PPP1R12B: variants seen among roughly 807,000 people sequenced by gnomAD.
PPP1R12B encodes protein phosphatase 1 regulatory subunit 12B.
PPP1R12B carries 76 observed loss-of-function variants against 126.1 expected under a neutral mutation model. That is an observed-to-expected ratio of 0.60 (90% CI 0.50 to 0.73). PPP1R12B has a LOEUF of 0.73. PPP1R12B is among the 30% of genes least tolerant of loss of function. PPP1R12B has a pLI of 0.00. For synonymous variants in PPP1R12B, 356 were observed against 434.7 expected, an observed-to-expected ratio of 0.82 and a Z score of 2.25; for missense variants, 1,052 against 1,205.1, an observed-to-expected ratio of 0.87 and a Z score of 1.88.
chr1:202,534,951 T>C (rs1684379667), intron 18 of PPP1R12B, among the ~76,000 whole-genome samples: 1 of 152,232 alleles, frequency 6.6e-6, no homozygotes, highest in Admixed American at 6.5e-5. Flanking sequence ...ATATATTTTA[T>C]AAATGCACAT....
chr1:202,541,718 G>T (rs1685147922), intron 18 of PPP1R12B, among the ~76,000 whole-genome samples: 1 of 152,084 alleles, frequency 6.6e-6, no homozygotes, highest in African/African-American at 2.4e-5. Context: ...AACCTGTTTG[G>T]TGACCTTCCC....
intron 18 of PPP1R12B, among the ~76,000 whole-genome samples, chr1:202,550,822 A>ATTCATAATTT (rs1258585993): frequency 5.3e-5 from 8 of 152,224 alleles, no homozygotes; most frequent in Admixed American, 1.3e-4. Flanking sequence ...GAATCACAAG[A>ATTCATAATTT]GTTTATGAAT....
chr1:202,575,286 G>A, intron 23 of PPP1R12B: 1 of 1,203,910 alleles, frequency 8.3e-7, no homozygotes, highest in South Asian at 1.7e-5. Context: ...GCAGATGGAA[G>A]CAGCCAGGAC....
In PPP1R12B at chr1:202,354,654, C is replaced by CT. The variant is rs565106722; in HGVS notation, c.291+5524dup. On this transcript the variant is annotated intron_variant, in intron 1 of 23. Coordinates refer to ENST00000608999, the MANE Select transcript of PPP1R12B (RefSeq NM_002481.4). ...TGCCATTAATTACATGTGTCCCATT[C>CT]TTTTTTTTTTTTGAGACAGAGTCTC... Among the ~76,000 whole-genome samples, 208 of 143,256 alleles carry CT rather than the reference C, an allele frequency of 1.5e-3. 1 individual carries two copies. The highest frequency in any genetic ancestry group is 6.4e-3 in the South Asian group (28 of 4,386). 94.0% of individuals were successfully genotyped at this position (143,256 alleles called of 152,430 possible). A position where few individuals can be genotyped will look rare whatever the true frequency, so the allele number is the denominator to read the frequency against.
chr1:202,378,247 C>CTTTTTTTTTTTTT (rs386369339), intron 1 of PPP1R12B, among the ~76,000 whole-genome samples: 1 of 93,384 alleles, frequency 1.1e-5, no homozygotes, highest in Non-Finnish European at 2.0e-5. Context: ...TGTCTTCATT[C>CTTTTTTTTTTTTT]TTTTTTTTTT....
At chr1:202,521,868 AAC>A (rs1382473428) in intron 18 of PPP1R12B, among the ~76,000 whole-genome samples, 1 of 152,270 alleles carries the variant, frequency 6.6e-6, no homozygotes, top group Non-Finnish European at 1.5e-5. Context: ...TGCCATATGT[AAC>A]ACAGGATAGA....
At chr1:202,481,584 CTTTTT>C (rs1309097979) in intron 13 of PPP1R12B, among the ~76,000 whole-genome samples, 1 of 151,682 alleles carries the variant, frequency 6.6e-6, no homozygotes, top group Non-Finnish European at 1.5e-5. Context: ...CTATTATTTT[CTTTTT>C]ATTTTAAAAT....
chr1:202,519,266 TTTTTTC>T (rs1558325581), intron 18 of PPP1R12B, among the ~76,000 whole-genome samples: 1 of 152,088 alleles, frequency 6.6e-6, no homozygotes, highest in Non-Finnish European at 1.5e-5. Flanking sequence ...AAAAATTTTT[TTTTTTC>T]TTTTTCTTTT....
intron 1 of PPP1R12B, among the ~76,000 whole-genome samples, chr1:202,379,531 C>T (rs1297003705): frequency 6.6e-6 from 1 of 152,230 alleles, no homozygotes; most frequent in African/African-American, 2.4e-5. Flanking sequence ...ACTCTGTCTT[C>T]TTGTCTCCAT....
intron 17 of PPP1R12B, among the ~76,000 whole-genome samples, chr1:202,496,566 T>C (rs1679576818): frequency 6.6e-6 from 1 of 152,232 alleles, no homozygotes; most frequent in African/African-American, 2.4e-5. Context: ...TTTCCAACTG[T>C]GGTTGATTTG....
rs187198447 is a variant in PPP1R12B, at chr1:202,381,659, C to T, written c.291+32517C>T. 2.8e-3 allele frequency among the ~76,000 whole-genome samples: 426 copies of T among 152,282 alleles called. 1 individual carries two copies. The highest frequency in any genetic ancestry group is 6.2e-3 in the Admixed American group (95 of 15,304). On this transcript the variant is annotated intron_variant, in intron 1 of 23. Transcript: ENST00000608999. ...TGTCCAAGAAGGAAAGTCAGTATTG[C>T]ATTTTCCATGGCTTCTGGGAATGGC...
intron 1 of PPP1R12B, among the ~76,000 whole-genome samples, chr1:202,352,286 T>C (rs1656168755): frequency 6.6e-6 from 1 of 152,242 alleles, no homozygotes; most frequent in Admixed American, 6.5e-5. Context: ...AGTTTGACTG[T>C]TAGCACCTAT....
rs199816573 is a variant in PPP1R12B, at chr1:202,428,876, G to A, written c.868G>A (p.Ala290Thr). ...NKLGQTPFDVADEGLVEHLEL... is the reference protein window; with the variant it reads ...NKLGQTPFDVTDEGLVEHLEL... ...CCAGGGCCAGACACCATTTGATGTG[G>A]CTGATGAGGGTCTCGTGGAGCATTT... The change falls in exon 6 of 24, where the codon GCT becomes ACT. Residue 290 changes from alanine to threonine, a missense_variant. Coordinates refer to ENST00000608999, the MANE Select transcript of PPP1R12B (RefSeq NM_002481.4). 48 of 1,606,650 alleles carry A rather than the reference G, an allele frequency of 3.0e-5. No individual in the cohort carries two copies. Among genetic ancestry groups the A allele is most frequent in the Non-Finnish European group, 3.8e-5 (45 of 1,177,078 alleles).
In PPP1R12B at chr1:202,588,307, C is replaced by T. The variant is rs555226262; in HGVS notation, c.*7747C>T. On this transcript the variant is annotated 3_prime_UTR_variant, in exon 24 of 24. Coordinates refer to ENST00000608999, the MANE Select transcript of PPP1R12B (RefSeq NM_002481.4). ...AGTTGTATGGATTAACTTCAGTCCA[C>T]TGTAAATACACCTGGGATGGGGTGG... is the stretch of plus-strand genomic sequence containing the variant. 5 of 152,734 alleles carry T rather than the reference C, an allele frequency of 3.3e-5. No homozygotes were observed. The East Asian group carries it at 9.7e-4, about 29-fold the overall frequency. 9.5% of individuals were successfully genotyped at this position (152,734 alleles called of 1,614,324 possible). A position where few individuals can be genotyped will look rare whatever the true frequency, so the allele number is the denominator to read the frequency against.
intron 1 of PPP1R12B, among the ~76,000 whole-genome samples, chr1:202,401,689 A>T (rs1665869955): frequency 6.6e-6 from 1 of 152,140 alleles, no homozygotes; most frequent in South Asian, 2.1e-4. Flanking sequence ...AGAAGGTTAA[A>T]TTTGGTGTTT....
chr1:202,553,209 A>G lies in PPP1R12B; in HGVS notation c.2491-5668A>G, dbSNP rs571869299. ...TAATCATTCTTTTTACCTCTACTCT[A>G]CAATGTATTCATATTGGTTTCTGAG... On this transcript the variant is annotated intron_variant, in intron 18 of 23. Coordinates refer to ENST00000608999, the MANE Select transcript of PPP1R12B (RefSeq NM_002481.4). Among the ~76,000 whole-genome samples the G allele has an allele frequency of 4.5e-4, 68 of 152,334 alleles. No homozygotes were observed. The South Asian group carries it at 7.2e-3, about 16-fold the overall frequency.
chr1:202,396,923 C>T (rs889471271), intron 1 of PPP1R12B, among the ~76,000 whole-genome samples: 1 of 152,260 alleles, frequency 6.6e-6, no homozygotes, highest in Admixed American at 6.5e-5. Flanking sequence ...AAGGCTAATC[C>T]TTCTGTCTTT....
intron 2 of PPP1R12B, among the ~76,000 whole-genome samples, chr1:202,418,611 T>A (rs942667270): frequency 1.3e-5 from 2 of 152,196 alleles, no homozygotes; most frequent in Non-Finnish European, 2.9e-5. Context: ...AGCTACTGTT[T>A]CCTAAGACAG....
chr1:202,366,550 G>A (rs1474946251), intron 1 of PPP1R12B, among the ~76,000 whole-genome samples: 2 of 145,170 alleles, frequency 1.4e-5, no homozygotes, highest in Admixed American at 1.4e-4. Flanking sequence ...AATCAGTTGT[G>A]TTTTCTTAAT....
Sources: allele counts gnomAD v4.1 joint callset (sites outside exome capture counted in the v4.1 genomes callset), GRCh38; gene constraint gnomAD v4.1.1; transcripts MANE v1.5; gene names NCBI Gene and HGNC (gene_info 2026-07-23, HGNC 2026-07-21).